KIAA1328: variants seen among roughly 807,000 people sequenced by gnomAD.
KIAA1328 encodes KIAA1328, also known as protein hinderin.
Under a neutral mutation model 68.1 loss-of-function variants are expected in KIAA1328, and 52 were observed. The ratio of observed to expected loss-of-function variants is 0.76; its 90% CI spans 0.61 to 0.96. KIAA1328 has a LOEUF of 0.96. Among genes scored for constraint, KIAA1328 ranks in the 40% least tolerant of loss-of-function variants. The probability of loss-of-function intolerance (pLI) is 0.00; values close to 1 mark genes in which losing one functional copy is unlikely to be tolerated. For synonymous variants in KIAA1328, 232 were observed against 239.4 expected, an observed-to-expected ratio of 0.97 and a Z score of 0.28; for missense variants, 641 against 677.6, an observed-to-expected ratio of 0.95 and a Z score of 0.60.
intron 6 of KIAA1328, among the ~76,000 whole-genome samples, chr18:37,032,481 A>T (rs1017095588): frequency 2.0e-5 from 3 of 151,714 alleles, no homozygotes; most frequent in African/African-American, 7.3e-5. Flanking sequence ...ATGTTTGTTT[A>T]TGGTCATGCA....
At chr18:37,083,706 A>C (rs767223600) in intron 7 of KIAA1328, among the ~76,000 whole-genome samples, 2 of 152,224 alleles carry the variant, frequency 1.3e-5, no homozygotes, top group Non-Finnish European at 2.9e-5. Context: ...TGTCAGTATG[A>C]GAAGTGGGTG....
intron 4 of KIAA1328, among the ~76,000 whole-genome samples, chr18:36,846,121 T>G (rs911186445): frequency 4.0e-5 from 6 of 151,642 alleles, no homozygotes; most frequent in African/African-American, 1.4e-4. Flanking sequence ...ACTCATACTT[T>G]GAAACTGTTT....
chr18:37,006,434 G>T (rs2053785933), intron 6 of KIAA1328, among the ~76,000 whole-genome samples: 1 of 151,984 alleles, frequency 6.6e-6, no homozygotes, highest in South Asian at 2.1e-4. Context: ...CCCCAAAAAG[G>T]TTACATTTAA....
chr18:36,894,153 C>G lies in KIAA1328; in HGVS notation c.448+8481C>G, dbSNP rs552285562. On this transcript the variant is annotated intron_variant, in intron 5 of 9. Coordinates refer to ENST00000280020, the MANE Select transcript of KIAA1328 (RefSeq NM_020776.3). ...CAAGTGTTCTGCTTTTTTCACTATACCAAATTTTCTCTGTAGCAGTGAACG... is the reference window on the plus strand; with the variant it reads ...CAAGTGTTCTGCTTTTTTCACTATAGCAAATTTTCTCTGTAGCAGTGAACG... Among the ~76,000 whole-genome samples the G allele has an allele frequency of 3.3e-5, 5 of 152,210 alleles. No individual in the cohort carries two copies. In the South Asian group the frequency reaches 1.0e-3, roughly 32 times the overall value.
chr18:36,979,468 T>C (rs143908734), intron 6 of KIAA1328, among the ~76,000 whole-genome samples: 58 of 152,092 alleles, frequency 3.8e-4, no homozygotes, highest in African/African-American at 1.2e-3. Context: ...ATGAAGATAA[T>C]AGGAAACAGA....
chr18:36,878,994 C>T (rs1301996945), intron 4 of KIAA1328, among the ~76,000 whole-genome samples: 1 of 152,116 alleles, frequency 6.6e-6, no homozygotes, highest in Non-Finnish European at 1.5e-5. Context: ...TTGTTATTAC[C>T]CACCTTCTGA....
intron 6 of KIAA1328, among the ~76,000 whole-genome samples, chr18:36,992,098 C>G (rs6507189): frequency 0.6 from 90,669 of 152,084 alleles, 28,875 homozygotes; most frequent in East Asian, 0.87. Context: ...GCCCACTTTT[C>G]TTTTTAGTAA....
At chr18:37,071,618 A>G (rs1857893670) in intron 7 of KIAA1328, among the ~76,000 whole-genome samples, 1 of 152,216 alleles carries the variant, frequency 6.6e-6, no homozygotes, top group African/African-American at 2.4e-5. Context: ...TGCAAAGATT[A>G]TATATACATA....
chr18:37,139,268 G>A (rs2058716132), intron 7 of KIAA1328, among the ~76,000 whole-genome samples: 1 of 152,024 alleles, frequency 6.6e-6, no homozygotes, highest in South Asian at 2.1e-4. Flanking sequence ...CGGCCAAAAT[G>A]TTGTTCTTTA....
chr18:37,040,683 A>G (rs1297314943), intron 6 of KIAA1328, among the ~76,000 whole-genome samples: 21 of 151,426 alleles, frequency 1.4e-4, no homozygotes, highest in Non-Finnish European at 3.1e-4. Context: ...CTTTTCTGAT[A>G]TAGATGTTTA....
chr18:37,026,279 A>G (rs1343744474), intron 6 of KIAA1328, among the ~76,000 whole-genome samples: 1 of 152,178 alleles, frequency 6.6e-6, no homozygotes, highest in Non-Finnish European at 1.5e-5. Context: ...TCACAGCCAA[A>G]TTCTACCCAG....
At chr18:36,958,707 T>C (rs1235587377) in intron 5 of KIAA1328, among the ~76,000 whole-genome samples, 10 of 152,216 alleles carry the variant, frequency 6.6e-5, no homozygotes, top group African/African-American at 2.2e-4. Flanking sequence ...ATTGTTTAGT[T>C]GTACAAGTTG....
chr18:37,076,682 A>T (rs2056749395), intron 7 of KIAA1328, among the ~76,000 whole-genome samples: 1 of 151,794 alleles, frequency 6.6e-6, no homozygotes, highest in Non-Finnish European at 1.5e-5. Flanking sequence ...AATACAAACT[A>T]CCCTCAGAGA....
chr18:37,138,190 T>C (rs2058686968), intron 7 of KIAA1328, among the ~76,000 whole-genome samples: 1 of 152,200 alleles, frequency 6.6e-6, no homozygotes, highest in South Asian at 2.1e-4. Context: ...CTTATATTAA[T>C]TCGTTTAATC....
intron 7 of KIAA1328, among the ~76,000 whole-genome samples, chr18:37,144,795 G>A (rs1193078956): frequency 6.6e-6 from 1 of 152,128 alleles, no homozygotes; most frequent in African/African-American, 2.4e-5. Flanking sequence ...ATCCCAAAGT[G>A]TGGGGATTAC....
intron 8 of KIAA1328, among the ~76,000 whole-genome samples, chr18:37,166,297 T>C (rs2059387960): frequency 6.6e-6 from 1 of 152,164 alleles, no homozygotes; most frequent in African/African-American, 2.4e-5. Context: ...GTAGGAGGAC[T>C]TTAGTGTTAA....
chr18:37,204,101 C>T (rs951551825), intron 9 of KIAA1328, among the ~76,000 whole-genome samples: 7 of 152,198 alleles, frequency 4.6e-5, no homozygotes, highest in Admixed American at 6.5e-5. Flanking sequence ...TGAGCCACCA[C>T]GCCTGGCCGG....
intron 2 of KIAA1328, among the ~76,000 whole-genome samples, 173 bp from the exon 3 acceptor site, chr18:36,835,061 A>G (rs2046626621): frequency 6.6e-6 from 1 of 152,188 alleles, no homozygotes; most frequent in Non-Finnish European, 1.5e-5. Context: ...ATTTCTTTAA[A>G]ACATATTCTT....
At chr18:37,116,339 C>A (rs545092511) in intron 7 of KIAA1328, among the ~76,000 whole-genome samples, 6 of 152,180 alleles carry the variant, frequency 3.9e-5, no homozygotes, top group African/African-American at 1.4e-4. Flanking sequence ...CAGAACAGAG[C>A]CCTCAGAAAT....
Sources: allele counts gnomAD v4.1 joint callset (sites outside exome capture counted in the v4.1 genomes callset), GRCh38; gene constraint gnomAD v4.1.1; transcripts MANE v1.5; gene names NCBI Gene and HGNC (gene_info 2026-07-23, HGNC 2026-07-21).